The following EVL variants were observed in gnomAD, a reference collection of about 807,000 sequenced individuals.
EVL encodes the protein ena/VASP-like protein.
EVL carries 21 observed loss-of-function variants against 59.6 expected under a neutral mutation model. That is an observed-to-expected ratio of 0.35 (90% CI 0.25 to 0.51). The LOEUF (loss-of-function observed/expected upper bound fraction) is 0.51. Among genes scored for constraint, EVL ranks in the 20% least tolerant of loss-of-function variants. The probability of loss-of-function intolerance (pLI) is 0.97; values close to 1 mark genes in which losing one functional copy is unlikely to be tolerated. For missense variants in EVL, 462 were observed against 546.6 expected (o/e 0.85, Z 1.54); for synonymous variants, 198 against 203.5 (o/e 0.97, Z 0.23).
intron 3 of EVL, among the ~76,000 whole-genome samples, chr14:100,104,419 T>C (rs1226830306): frequency 1.3e-5 from 2 of 152,252 alleles, no homozygotes; most frequent in Non-Finnish European, 2.9e-5. Context: ...ATTAATTGGT[T>C]ATTTATGTGG....
At chr14:100,071,875 C>T (rs2062055241) in intron 1 of EVL, among the ~76,000 whole-genome samples, 1 of 152,110 alleles carries the variant, frequency 6.6e-6, no homozygotes, top group South Asian at 2.1e-4. Flanking sequence ...TCTCACAGGC[C>T]TGAAGTACTT....
chr14:100,103,717 G>A (rs1886378788), intron 3 of EVL, among the ~76,000 whole-genome samples: 1 of 151,994 alleles, frequency 6.6e-6, no homozygotes, highest in Non-Finnish European at 1.5e-5. Context: ...CTGCTGTTTG[G>A]TCTCCCACAA....
chr14:100,074,895 C>G (rs1434984507), intron 1 of EVL: 1 of 152,568 alleles, frequency 6.6e-6, no homozygotes, highest in Admixed American at 6.5e-5. Flanking sequence ...CTGGGGCAGG[C>G]TGAGGGGAGA....
intron 1 of EVL, among the ~76,000 whole-genome samples, chr14:100,082,841 CT>C (rs2062341756): frequency 6.6e-6 from 1 of 152,224 alleles, no homozygotes; most frequent in Admixed American, 6.5e-5. Context: ...CAAACCAAGG[CT>C]TCCCCCACAG....
intron 1 of EVL, among the ~76,000 whole-genome samples, chr14:100,044,701 A>G (rs1417646311): frequency 1.3e-5 from 2 of 152,206 alleles, no homozygotes; most frequent in Non-Finnish European, 2.9e-5. Flanking sequence ...AGCCTAAACC[A>G]TCTCCACACA....
chr14:100,077,200 G>A (rs983220236), intron 1 of EVL, among the ~76,000 whole-genome samples: 1 of 152,282 alleles, frequency 6.6e-6, no homozygotes, highest in Admixed American at 6.5e-5. Context: ...CAGCTAGGAG[G>A]CTGTGGTCTA....
chr14:100,086,135 C>G (rs2062438436), intron 2 of EVL, among the ~76,000 whole-genome samples: 1 of 152,154 alleles, frequency 6.6e-6, no homozygotes, highest in African/African-American at 2.4e-5. Context: ...AAAAGATAGT[C>G]TTTCTAACCT....
chr14:99,975,850 T>C (rs1309761239), intron 1 of EVL, among the ~76,000 whole-genome samples: 1 of 152,154 alleles, frequency 6.6e-6, no homozygotes, highest in Non-Finnish European at 1.5e-5. Context: ...CTATATCTTC[T>C]ATGTCTCTTA....
chr14:99,986,669 A>G (rs1595543677), intron 1 of EVL, among the ~76,000 whole-genome samples: 1 of 152,212 alleles, frequency 6.6e-6, no homozygotes, highest in South Asian at 2.1e-4. Context: ...TGAATTGAAG[A>G]CATGGTTTTC....
At chr14:100,042,137 A>T (rs2061476922) in intron 1 of EVL, among the ~76,000 whole-genome samples, 1 of 152,220 alleles carries the variant, frequency 6.6e-6, no homozygotes, top group African/African-American at 2.4e-5. Context: ...GAAAATTATT[A>T]ATTAACTATA....
chr14:99,985,961 A>G (rs2060837339), intron 1 of EVL, among the ~76,000 whole-genome samples: 1 of 151,950 alleles, frequency 6.6e-6, no homozygotes, highest in South Asian at 2.1e-4. Context: ...AAATGGAAAC[A>G]TACTAAACCT....
rs1436795288 is a variant in EVL at position 100,006,008 on chromosome 14, T to TC, written c.5+33951_5+33952insC. Among the ~76,000 whole-genome samples the TC allele has an allele frequency of 1.3e-4, 7 of 52,594 alleles. 1 individual carries two copies. The South Asian group carries it at 7.0e-3, about 52-fold the overall frequency. 34.5% of individuals were successfully genotyped at this position (52,594 alleles called of 152,430 possible). ...TTTTTTTTCCCCTTTTGCTGGCCAT[T>TC]TCCCCCCCCCCCCCCACACCGACAA... On this transcript the variant is annotated intron_variant, in intron 1 of 13. Transcript: ENST00000402714.
chr14:100,028,134 G>GT (rs137903594), intron 1 of EVL, among the ~76,000 whole-genome samples: 30,131 of 118,582 alleles, frequency 0.25, 4,132 homozygotes, highest in Non-Finnish European at 0.33. Flanking sequence ...TTGTTTGTTT[G>GT]TTTTTTTTTT....
intron 3 of EVL, among the ~76,000 whole-genome samples, chr14:100,099,351 TAGTG>T (rs965654873): frequency 3.9e-5 from 6 of 152,040 alleles, no homozygotes; most frequent in Non-Finnish European, 5.9e-5. Context: ...CTGGACAACA[TAGTG>T]AGAGCCTGTG....
At position 100,130,201 on chromosome 14, in the gene EVL, C is replaced by G. The variant is rs552330280; in HGVS notation, c.839+517C>G. On this transcript the variant is annotated intron_variant, in intron 7 of 13. Coordinates refer to ENST00000392920, the MANE Select transcript of EVL (RefSeq NM_016337.3). This position sits in a 1 kb window ranked among gnomAD's most constrained non-coding sequence, Gnocchi z 4.8. ...GAGAGAGAGTAGTTCCATCTACATC[C>G]CGGCCGGGCTCTTGGGCCTGAGACC... is the stretch of plus-strand genomic sequence containing the variant. Among the ~76,000 whole-genome samples, 17 of 152,294 alleles carry G rather than the reference C, an allele frequency of 1.1e-4. No individual in the cohort carries two copies. The highest frequency in any genetic ancestry group is 3.8e-4 in the African/African-American group (16 of 41,578).
intron 1 of EVL, among the ~76,000 whole-genome samples, chr14:100,037,602 A>G (rs2061407119): frequency 6.6e-6 from 1 of 152,248 alleles, no homozygotes; most frequent in South Asian, 2.1e-4. Flanking sequence ...AGTCTTCAGC[A>G]GTGTTTGCTA....
chr14:100,131,440 C>T (rs1212098545), intron 7 of EVL, among the ~76,000 whole-genome samples: 2 of 152,208 alleles, frequency 1.3e-5, no homozygotes, highest in East Asian at 1.9e-4. Flanking sequence ...TGAAAGTGCC[C>T]TTGCCAGGTT....
Position 100,128,810 on chromosome 14 carries a change from G to A in EVL, c.717+62G>A, listed in dbSNP as rs1888252201. ...AGGGGACCCTTGTGCCATCTGCAGA[G>A]CGCTTGTGTTCCTTCCCGCATCTGC... is the stretch of plus-strand genomic sequence containing the variant. On this transcript the variant is annotated intron_variant, in intron 6 of 13. Transcript: ENST00000392920. The A allele has an allele frequency of 2.1e-6, 3 of 1,444,408 alleles. No individual in the cohort carries two copies. In the South Asian group the frequency reaches 3.5e-5, roughly 17 times the overall value. 89.5% of individuals were successfully genotyped at this position (1,444,408 alleles called of 1,614,324 possible).
At position 100,020,636 on chromosome 14, in the gene EVL, A is replaced by T. The variant is rs547553617; in HGVS notation, c.5+48579A>T. Among the ~76,000 whole-genome samples, 3 of 152,216 alleles carry T rather than the reference A, an allele frequency of 2.0e-5. No individual in the cohort carries two copies. In the South Asian group the frequency reaches 6.2e-4, roughly 32 times the overall value. ...CTATGGGCCTTTTTTATTCCTCCAA[A>T]TGTTGCTGCGGTAGACATTAAAACA... On this transcript the variant is annotated intron_variant, in intron 1 of 13. Coordinates refer to the EVL transcript ENST00000402714.
Sources: allele counts gnomAD v4.1 joint callset (sites outside exome capture counted in the v4.1 genomes callset), GRCh38; gene constraint gnomAD v4.1.1; non-coding constraint Gnocchi (gnomAD v3.1); transcripts MANE v1.5; gene names NCBI Gene and HGNC (gene_info 2026-07-23, HGNC 2026-07-21).